Variants in AMN1 observed in about 807,000 individuals in gnomAD.
The protein encoded by AMN1 is protein AMN1 homolog.
AMN1 carries 20 observed loss-of-function variants against 33.0 expected under a neutral mutation model. That is an observed-to-expected ratio of 0.61 (90% CI 0.43 to 0.88). The LOEUF (loss-of-function observed/expected upper bound fraction) is 0.88. AMN1 is among the 40% of genes least tolerant of loss of function. The pLI is 0.00. For missense variants in AMN1, 246 were observed against 307.4 expected (o/e 0.80, Z 1.49); for synonymous variants, 114 against 111.9 (o/e 1.02, Z -0.12).
chr12:31,682,284 A>C (rs1004348048), intron 6 of AMN1, among the ~76,000 whole-genome samples: 33 of 152,210 alleles, frequency 2.2e-4, no homozygotes, highest in Admixed American at 5.9e-4. Flanking sequence ...TCAGGGCAGA[A>C]CAAAGAAAAA....
At position 31,677,981 on chromosome 12, in the gene AMN1, A is replaced by G. The variant is rs1257432132; in HGVS notation, c.704-5604T>C. On this transcript the variant is annotated intron_variant, in intron 6 of 6. Coordinates refer to ENST00000281471, the MANE Select transcript of AMN1 (RefSeq NM_001113402.2). ...TATACCCTGGAAAAAGGAAGGTCACACAGAAAGGCCAAGAAGAATCTGAAC... is the reference window on the plus strand; with the variant it reads ...TATACCCTGGAAAAAGGAAGGTCACGCAGAAAGGCCAAGAAGAATCTGAAC... 3.3e-5 allele frequency among the ~76,000 whole-genome samples: 5 copies of G among 152,286 alleles called. No individual in the cohort carries two copies. The East Asian group carries it at 9.6e-4, about 29-fold the overall frequency.
intron 1 of AMN1, among the ~76,000 whole-genome samples, chr12:31,719,877 A>G (rs1381061093): frequency 6.6e-6 from 1 of 152,222 alleles, no homozygotes; most frequent in Non-Finnish European, 1.5e-5. Flanking sequence ...AATAGAATGA[A>G]TTACAATATA....
intron 3 of AMN1, among the ~76,000 whole-genome samples, chr12:31,700,669 T>A (rs1372377823): frequency 6.6e-6 from 1 of 150,668 alleles, no homozygotes; most frequent in Non-Finnish European, 1.5e-5. Context: ...CATGTTTTGT[T>A]TTTTTTTTAG....
chr12:31,721,882 C>T lies in AMN1; in HGVS notation c.38+7089G>A, dbSNP rs558634946. Among the ~76,000 whole-genome samples the T allele has an allele frequency of 1.6e-3, 238 of 152,268 alleles. 1 individual carries two copies. Among genetic ancestry groups the T allele is most frequent in the Admixed American group, 4.5e-3 (69 of 15,272 alleles). ...ATGATGCTGCTAATCAAGTATACAC[C>T]ATCCAGACTGCTGCCACTGCTGCCA... On this transcript the variant is annotated intron_variant, in intron 1 of 6. Transcript: ENST00000281471.
chr12:31,685,786 G>C (rs1938230817), intron 6 of AMN1, among the ~76,000 whole-genome samples: 1 of 99,026 alleles, frequency 1.0e-5, no homozygotes, highest in Non-Finnish European at 1.9e-5. Flanking sequence ...GGGCGACAGA[G>C]CAAGACTCAT....
chr12:31,702,298 G>A (rs1405162359), intron 2 of AMN1, among the ~76,000 whole-genome samples: 1 of 152,186 alleles, frequency 6.6e-6, no homozygotes, highest in Non-Finnish European at 1.5e-5. Context: ...CTTAACCAAT[G>A]TGGCAGTGAG....
intron 2 of AMN1, among the ~76,000 whole-genome samples, chr12:31,703,040 ATTATG>A (rs1939075818): frequency 6.6e-6 from 1 of 152,178 alleles, no homozygotes; most frequent in African/African-American, 2.4e-5. Flanking sequence ...CCTGGCCTAC[ATTATG>A]TTATTTAATA....
At chr12:31,725,430 A>T (rs1021165) in intron 1 of AMN1, among the ~76,000 whole-genome samples, 149,852 of 152,320 alleles carry the variant, frequency 0.98, 73,777 homozygotes, top group Middle Eastern at 1. Context: ...CCAACCAATA[A>T]TAGTTGCTCT....
At chr12:31,686,170 G>A (rs960799376) in intron 6 of AMN1, among the ~76,000 whole-genome samples, 1 of 152,092 alleles carries the variant, frequency 6.6e-6, no homozygotes, top group African/African-American at 2.4e-5. Flanking sequence ...TTTAGGCCAG[G>A]CATGGTGATT....
intron 1 of AMN1, among the ~76,000 whole-genome samples, chr12:31,720,338 C>T (rs974638366): frequency 3.9e-5 from 6 of 152,064 alleles, no homozygotes; most frequent in South Asian, 2.1e-4. Context: ...GTCAGGAGTT[C>T]GAGACCAGCC....
At chr12:31,688,008 G>T (rs1565765932) in intron 6 of AMN1, among the ~76,000 whole-genome samples, 1 of 152,180 alleles carries the variant, frequency 6.6e-6, no homozygotes, top group Non-Finnish European at 1.5e-5. Context: ...AGGCTGGAAT[G>T]CAATGGCGTG....
chr12:31,675,775 G>A (rs2139649259), intron 6 of AMN1, among the ~76,000 whole-genome samples: 1 of 151,894 alleles, frequency 6.6e-6, no homozygotes, highest in South Asian at 2.1e-4. Context: ...CCAAAGTGCT[G>A]GGGTTACAGG....
At chr12:31,681,940 G>A (rs1285580216) in intron 6 of AMN1, among the ~76,000 whole-genome samples, 1 of 152,182 alleles carries the variant, frequency 6.6e-6, no homozygotes, top group Non-Finnish European at 1.5e-5. Context: ...GCCTCCCAAA[G>A]TGCTGGGATT....
intron 5 of AMN1, among the ~76,000 whole-genome samples, chr12:31,694,701 G>A (rs1000550420): frequency 7.2e-5 from 11 of 152,112 alleles, no homozygotes; most frequent in Admixed American, 4.6e-4. Flanking sequence ...AGCCATGATT[G>A]TGCCACTGTA....
chr12:31,712,684 T>C (rs1939515547), intron 1 of AMN1, among the ~76,000 whole-genome samples: 1 of 151,986 alleles, frequency 6.6e-6, no homozygotes, highest in Non-Finnish European at 1.5e-5. Context: ...TGAGACAGAG[T>C]CTTGCTCTGT....
intron 5 of AMN1, among the ~76,000 whole-genome samples, chr12:31,690,199 A>T (rs1938442164): frequency 6.6e-6 from 1 of 152,234 alleles, no homozygotes; most frequent in East Asian, 1.9e-4. Context: ...TTGCAATTGC[A>T]AATTGTGCTG....
chr12:31,692,819 AATT>A (rs1938560833), intron 5 of AMN1, among the ~76,000 whole-genome samples: 1 of 152,172 alleles, frequency 6.6e-6, no homozygotes, highest in Non-Finnish European at 1.5e-5. Context: ...TAATAAATGA[AATT>A]TTATACAGCA....
intron 2 of AMN1, among the ~76,000 whole-genome samples, chr12:31,703,469 G>A (rs769832390): frequency 6.6e-6 from 1 of 152,034 alleles, no homozygotes; most frequent in Non-Finnish European, 1.5e-5. Flanking sequence ...CCCTTTTGAA[G>A]TCCCCAGTGT....
rs560053250 is a variant in AMN1, at chr12:31,697,080, T to A, written c.591+281A>T. On this transcript the variant is annotated intron_variant, in intron 5 of 6. Coordinates refer to ENST00000281471, the MANE Select transcript of AMN1 (RefSeq NM_001113402.2). ...ACTTTACACTGATAAACATTCATAA[T>A]CTTCATCCATAATAAGATGATTCTT... Among the ~76,000 whole-genome samples, 7 of 152,260 alleles carry A rather than the reference T, an allele frequency of 4.6e-5. No homozygotes were observed. The East Asian group carries it at 1.3e-3, about 29-fold the overall frequency.
Sources: allele counts gnomAD v4.1 joint callset (sites outside exome capture counted in the v4.1 genomes callset), GRCh38; gene constraint gnomAD v4.1.1; transcripts MANE v1.5; gene names NCBI Gene and HGNC (gene_info 2026-07-23, HGNC 2026-07-21).